ZNF438: variants seen among roughly 807,000 people sequenced by gnomAD.
ZNF438 encodes zinc finger protein 438.
In ZNF438, 25 loss-of-function variants were observed where a neutral mutation model predicts 38.0. The ratio of observed to expected loss-of-function variants is 0.66; its 90% confidence interval spans 0.48 to 0.92. The LOEUF (loss-of-function observed/expected upper bound fraction) is 0.92. Among genes scored for constraint, ZNF438 ranks in the 40% least tolerant of loss-of-function variants. The probability of loss-of-function intolerance (pLI) is 0.00; values close to 1 mark genes in which losing one functional copy is unlikely to be tolerated. For synonymous variants in ZNF438, 372 were observed against 364.1 expected, an observed-to-expected ratio of 1.02 and a Z score of -0.25; for missense variants, 1,007 against 999.6, an observed-to-expected ratio of 1.01 and a Z score of -0.10.
At chr10:30,937,662 G>A (rs1384857725) in intron 2 of ZNF438, among the ~76,000 whole-genome samples, 1 of 152,178 alleles carries the variant, frequency 6.6e-6, no homozygotes, top group African/African-American at 2.4e-5. Flanking sequence ...TGTATAATCA[G>A]TTTATAAAAC....
intron 3 of ZNF438, among the ~76,000 whole-genome samples, chr10:30,893,355 T>A (rs1346491249): frequency 6.6e-6 from 1 of 152,058 alleles, no homozygotes; most frequent in South Asian, 2.1e-4. Context: ...AAACTACAAA[T>A]GGGAAAAGGA....
At chr10:30,988,624 G>T (rs1439616054) in intron 1 of ZNF438, among the ~76,000 whole-genome samples, 1 of 152,042 alleles carries the variant, frequency 6.6e-6, no homozygotes, top group Non-Finnish European at 1.5e-5. Flanking sequence ...TATTTTTAAT[G>T]TTAAAACAGT....
intron 1 of ZNF438, among the ~76,000 whole-genome samples, chr10:30,963,064 T>C (rs967418391): frequency 6.6e-6 from 1 of 152,118 alleles, no homozygotes; most frequent in Admixed American, 6.6e-5. Flanking sequence ...AGGACTAAAA[T>C]AGTTTGTAAT....
At chr10:30,974,129 C>A (rs990907362) in intron 1 of ZNF438, among the ~76,000 whole-genome samples, 1 of 152,208 alleles carries the variant, frequency 6.6e-6, no homozygotes, top group African/African-American at 2.4e-5. Context: ...AAGGTGATAA[C>A]CTTCTGGGAA....
intron 2 of ZNF438, among the ~76,000 whole-genome samples, chr10:30,925,117 A>C (rs1213433858): frequency 2.0e-5 from 3 of 152,168 alleles, no homozygotes; most frequent in Non-Finnish European, 2.9e-5. Context: ...ATAGACAATT[A>C]AGTCATTTGC....
chr10:30,888,936 T>C (rs192938339), intron 3 of ZNF438, among the ~76,000 whole-genome samples: 80 of 152,348 alleles, frequency 5.3e-4, no homozygotes, highest in African/African-American at 1.7e-3. Context: ...TTTAGGTCTT[T>C]GAGGAATCAC....
At chr10:30,923,722 T>TA (rs1406576296) in intron 2 of ZNF438, among the ~76,000 whole-genome samples, 1 of 152,236 alleles carries the variant, frequency 6.6e-6, no homozygotes, top group Non-Finnish European at 1.5e-5. Flanking sequence ...TATGGTTTTA[T>TA]ATTGTCATTA....
rs528018619 is a variant in ZNF438 at position 30,912,484 on chromosome 10, A to G, written c.-114-3469T>C. Among the ~76,000 whole-genome samples, 212 of 152,222 alleles carry G rather than the reference A, an allele frequency of 1.4e-3. 1 individual carries two copies. The highest frequency in any genetic ancestry group is 2.2e-3 in the Non-Finnish European group (151 of 67,998). On this transcript the variant is annotated intron_variant, in intron 2 of 5. Coordinates refer to ENST00000413025, the Ensembl canonical transcript of ZNF438. ...TCACTTTATATTCTCTCCCTAGGAT[A>G]TCTCATCCATTTCACAGAGATGTAA...
rs545274984 is a variant in ZNF438 at position 30,845,000 on chromosome 10, G to C, written c.2448C>G (p.Asn816Lys). ...CACTGGAAAGTTCGATCACTCCCTG[G>C]TTGGAGACCGTATTTAAAATAGCCC... is the stretch of plus-strand genomic sequence containing the variant. Residue 816 changes from asparagine (N) to lysine (K), a missense_variant, in exon 6 of 6, where the codon AAC becomes AAG. Transcript: ENST00000413025. 3.0e-4 allele frequency: 492 copies of C among 1,614,152 alleles called. 8 individuals carry two copies. The South Asian group carries it at 5.1e-3, about 17-fold the overall frequency.
intron 1 of ZNF438, among the ~76,000 whole-genome samples, chr10:30,971,042 G>T (rs1378535588): frequency 5.3e-5 from 8 of 152,190 alleles, no homozygotes; most frequent in African/African-American, 1.9e-4. Flanking sequence ...AGAACTGGCA[G>T]TTACAGTCTT....
chr10:30,926,178 G>C (rs2044892075), intron 2 of ZNF438, among the ~76,000 whole-genome samples: 1 of 152,192 alleles, frequency 6.6e-6, no homozygotes, highest in African/African-American at 2.4e-5. Context: ...GCAATGGAAT[G>C]TCTGATATCA....
chr10:31,007,762 A>G (rs1413697433), intron 1 of ZNF438, among the ~76,000 whole-genome samples: 2 of 152,220 alleles, frequency 1.3e-5, no homozygotes, highest in Non-Finnish European at 2.9e-5. Context: ...TAAGAGTGTT[A>G]GTTCTATTAA....
intron 1 of ZNF438, among the ~76,000 whole-genome samples, chr10:31,003,578 T>C (rs2054859470): frequency 6.6e-6 from 1 of 152,178 alleles, no homozygotes; most frequent in Non-Finnish European, 1.5e-5. Context: ...ACTAACCTCA[T>C]GAAGGTACAA....
intron 3 of ZNF438, among the ~76,000 whole-genome samples, chr10:30,903,009 C>T (rs1033398480): frequency 1.8e-4 from 28 of 152,306 alleles, no homozygotes; most frequent in South Asian, 6.2e-4. Flanking sequence ...GCTGGGGGAC[C>T]GGATGCACCC....
At chr10:30,947,323 G>A (rs2047532544) in intron 1 of ZNF438, among the ~76,000 whole-genome samples, 1 of 152,210 alleles carries the variant, frequency 6.6e-6, no homozygotes, top group Non-Finnish European at 1.5e-5. Context: ...TGTCTTCAGG[G>A]GATGTGTTTA....
intron 1 of ZNF438, among the ~76,000 whole-genome samples, chr10:30,970,946 A>C (rs951818759): frequency 1.3e-5 from 2 of 152,166 alleles, no homozygotes; most frequent in African/African-American, 2.4e-5. Flanking sequence ...AATCATCCTC[A>C]TATCTCCAGC....
rs542408638 is a variant in ZNF438 at position 30,874,837 on chromosome 10, A to G, written c.37+2161T>C. 2.1e-3 allele frequency among the ~76,000 whole-genome samples: 315 copies of G among 151,066 alleles called. 1 individual carries two copies. Among genetic ancestry groups the G allele is most frequent in the African/African-American group, 6.9e-3 (285 of 41,374 alleles). On this transcript the variant is annotated intron_variant, in intron 4 of 5. Transcript: ENST00000413025. The stretch of plus-strand genomic sequence containing the variant: ...TTCTTTATAAATATATATTCTCTAT[A>G]ATTTATATAAATATTCTTTATAAAT...
At chr10:31,027,070 C>CATCA (rs1445866940) in intron 1 of ZNF438, among the ~76,000 whole-genome samples, 1 of 145,264 alleles carries the variant, frequency 6.9e-6, no homozygotes, top group African/African-American at 2.6e-5. Context: ...GGGTGGGGAC[C>CATCA]ATCACATACC....
At chr10:30,951,058 G>C (rs1290159245) in intron 1 of ZNF438, among the ~76,000 whole-genome samples, 1 of 139,602 alleles carries the variant, frequency 7.2e-6, no homozygotes, top group Non-Finnish European at 1.5e-5. Context: ...CCAGGATCAA[G>C]TGGGCTTCAT....
Sources: gnomAD v4.1 joint callset for allele counts (sites outside exome capture counted in the v4.1 genomes callset) on GRCh38, gnomAD v4.1.1 for gene constraint, MANE v1.5 for transcripts, NCBI Gene and HGNC (gene_info 2026-07-23, HGNC 2026-07-21) for gene names.